The following ATXN3 variants were observed in gnomAD, a reference collection of about 807,000 sequenced individuals.
ATXN3 encodes ataxin-3.
In ATXN3, 28 loss-of-function variants were observed where a neutral mutation model predicts 58.2. The observed-to-expected ratio is 0.48, with a 90% CI of 0.36 to 0.66. The LOEUF (loss-of-function observed/expected upper bound fraction) is 0.66. ATXN3 is among the 30% of genes least tolerant of loss of function. The pLI is 0.00. For synonymous variants in ATXN3, 113 were observed against 138.5 expected, an observed-to-expected ratio of 0.82 and a Z score of 1.29; for missense variants, 321 against 422.1, an observed-to-expected ratio of 0.76 and a Z score of 2.10.
intron 9 of ATXN3, among the ~76,000 whole-genome samples, chr14:92,076,321 G>A (rs753984051): frequency 2.6e-5 from 4 of 151,848 alleles, no homozygotes; most frequent in South Asian, 2.1e-4. Context: ...GGTGGCATGC[G>A]CCTGTAATCC....
chr14:92,076,927 G>A (rs540408025), intron 9 of ATXN3, among the ~76,000 whole-genome samples: 2 of 125,406 alleles, frequency 1.6e-5, no homozygotes, highest in African/African-American at 6.5e-5. Context: ...GTGACAGAGT[G>A]AGATTTCGTC....
chr14:92,102,288 GAATA>G (rs1309112212), intron 1 of ATXN3, among the ~76,000 whole-genome samples: 4 of 144,512 alleles, frequency 2.8e-5, no homozygotes, highest in Admixed American at 7.2e-5. Flanking sequence ...GGGAGGGAGG[GAATA>G]AATAAATTAA....
downstream of ATXN3, among the ~76,000 whole-genome samples, chr14:92,054,997 T>C (rs971790692): frequency 3.3e-5 from 5 of 152,214 alleles, no homozygotes; most frequent in African/African-American, 1.2e-4. Flanking sequence ...TTCTCCTGTC[T>C]CAGCCACTTC....
At chr14:92,074,153 C>T (rs1287647146) in intron 9 of ATXN3, among the ~76,000 whole-genome samples, 1 of 151,594 alleles carries the variant, frequency 6.6e-6, no homozygotes, top group African/African-American at 2.4e-5. Context: ...GTGGCAAAAC[C>T]CCACCTCTAC....
intron 9 of ATXN3, among the ~76,000 whole-genome samples, chr14:92,075,263 CA>C (rs757269681): frequency 1.0e-4 from 15 of 145,504 alleles, no homozygotes; most frequent in Non-Finnish European, 1.9e-4. Context: ...CTCCCAGGTT[CA>C]AGTGATTCTC....
chr14:92,093,940 A>G lies in ATXN3; in HGVS notation c.235-109T>C, dbSNP rs2064505868. 23 of 573,386 alleles carry G rather than the reference A, an allele frequency of 4.0e-5. No individual in the cohort carries two copies. The South Asian group carries it at 4.9e-4, about 12-fold the overall frequency. The allele number at this position is 573,386 out of a possible 1,614,324, so 35.5% of individuals were successfully genotyped here. A position where few individuals can be genotyped will look rare whatever the true frequency, so the allele number is the denominator to read the frequency against. Reference sequence around the variant, plus strand: ...CATATATAAATTTCTCTAGAAGGCTATAGGTTTTTTTTTTTTTTTTTGTGA... The same window carrying G: ...CATATATAAATTTCTCTAGAAGGCTGTAGGTTTTTTTTTTTTTTTTTGTGA... On this transcript the variant is annotated intron_variant, in intron 3 of 10. Coordinates refer to ENST00000644486, the MANE Select transcript of ATXN3 (RefSeq NM_004993.6).
At chr14:92,052,477 G>A (rs962355636), upstream of ATXN3, among the ~76,000 whole-genome samples, 4 of 150,968 alleles carry the variant, frequency 2.6e-5, no homozygotes, top group Admixed American at 2.0e-4. Flanking sequence ...CAACAAGAGC[G>A]AAACTCCATC....
intron 9 of ATXN3, chr14:92,079,370 A>G (rs1215721505): frequency 1.2e-6 from 1 of 827,574 alleles, no homozygotes; most frequent in Non-Finnish European, 1.5e-6. Flanking sequence ...TTTAACATAT[A>G]ATTAGCCATT....
intron 1 of ATXN3, 131 bp from the exon 2 acceptor site, chr14:92,096,969 GCT>G: frequency 1.3e-6 from 1 of 742,710 alleles, no homozygotes. Flanking sequence ...GTGCAGTGGC[GCT>G]ATCTTGGCTC....
chr14:92,062,791 A>G lies in ATXN3; in HGVS notation c.*1529T>C, dbSNP rs919490446. ...AAAAGATATTTTTTCTTCTCTTTTC[A>G]GTTAGTTAGCAATAAATCCTAGATC... On this transcript the variant is annotated 3_prime_UTR_variant, in exon 11 of 11. Coordinates refer to ENST00000644486, the MANE Select transcript of ATXN3 (RefSeq NM_004993.6). The G allele has an allele frequency of 5.2e-5, 8 of 152,618 alleles. No individual in the cohort carries two copies. Among genetic ancestry groups the G allele is most frequent in the African/African-American group, 1.9e-4 (8 of 41,456 alleles). 9.5% of individuals were successfully genotyped at this position (152,618 alleles called of 1,614,324 possible).
chr14:92,093,015 C>T (rs1471996008), intron 5 of ATXN3, among the ~76,000 whole-genome samples: 1 of 150,890 alleles, frequency 6.6e-6, no homozygotes, highest in Admixed American at 6.6e-5. Flanking sequence ...AGATGTGAGC[C>T]ACCATGCCTG....
rs1157498754 is a variant in ATXN3 at position 92,089,332 on chromosome 14, CTTT to C, written c.388-518_388-516del. Among the ~76,000 whole-genome samples the C allele has an allele frequency of 4.9e-3, 295 of 60,698 alleles. 2 individuals carry two copies. The highest frequency in any genetic ancestry group is 0.02 in the African/African-American group (274 of 13,538). The allele number at this position is 60,698 out of a possible 152,430, so 39.8% of individuals were successfully genotyped here. On this transcript the variant is annotated intron_variant, in intron 5 of 10. Transcript: ENST00000644486. ...CTGCACCTGGCCTCTGCTAAATACT[CTTT>C]TTTTTTTTTTTTTTTTTTTTTTAGA...
intron 4 of ATXN3, 142 bp downstream of exon 4, chr14:92,093,604 G>T (rs2064415379): frequency 4.1e-6 from 3 of 724,614 alleles, no homozygotes; most frequent in Admixed American, 5.6e-5. Context: ...CATCACAAAG[G>T]TGAAATAGGA....
chr14:92,064,348 T>C lies in ATXN3; in HGVS notation c.1058A>G (p.Asn353Ser), dbSNP rs1303148049. 2.5e-6 allele frequency: 4 copies of C among 1,612,202 alleles called. No homozygotes were observed. Among genetic ancestry groups the C allele is most frequent in the African/African-American group, 1.3e-5 (1 of 74,884 alleles). ...TTTTTTTCCTTCTGTTTTCAAATCA[T>C]TTCTGACAGTTTCTAAAGACATGGT... ...AVTMSLETVR[N>S]DLKTEGKK The change falls in exon 11 of 11, where the codon AAT becomes AGT. Residue 353 changes from asparagine to serine, a missense_variant. This residue lies in a region of ATXN3 where 200 missense variants were observed against 223.2 expected (regional missense o/e 0.90). Coordinates refer to ENST00000644486, the MANE Select transcript of ATXN3 (RefSeq NM_004993.6).
In ATXN3 at chr14:92,061,111, T is replaced by C; in HGVS notation, c.*3209A>G. ...TTTAGGCTCTGACTGAAATAAAATT[T>C]ATTTTATTCAACTTAATATTAAACA... On this transcript the variant is annotated 3_prime_UTR_variant, in exon 11 of 11. Coordinates refer to ENST00000644486, the MANE Select transcript of ATXN3 (RefSeq NM_004993.6). The C allele has an allele frequency of 6.6e-6, 1 of 152,208 alleles. No individual in the cohort carries two copies. Among genetic ancestry groups the C allele is most frequent in the East Asian group, 1.9e-4 (1 of 5,202 alleles). The allele number at this position is 152,208 out of a possible 1,614,324, so 9.4% of individuals were successfully genotyped here.
chr14:92,054,159 C>T (rs2057457690), downstream of ATXN3, among the ~76,000 whole-genome samples: 2 of 152,150 alleles, frequency 1.3e-5, no homozygotes, highest in Non-Finnish European at 2.9e-5. Flanking sequence ...TGGTCTTGAA[C>T]TCTTGACCTT....
intron 6 of ATXN3, among the ~76,000 whole-genome samples, chr14:92,088,193 C>T (rs980340849): frequency 5.9e-5 from 9 of 152,026 alleles, no homozygotes; most frequent in Non-Finnish European, 1.0e-4. Context: ...CTCAGCCTCC[C>T]GAGTAGCTCG....
downstream of ATXN3, among the ~76,000 whole-genome samples, chr14:92,056,347 G>A (rs7143556): frequency 0.13 from 20,115 of 151,924 alleles, 1,505 homozygotes; most frequent in African/African-American, 0.21. Flanking sequence ...GGTTACTGCC[G>A]GTATGTAAAA....
chr14:92,056,064 A>C (rs187530256), downstream of ATXN3, among the ~76,000 whole-genome samples: 3 of 152,300 alleles, frequency 2.0e-5, no homozygotes, highest in East Asian at 5.8e-4. Context: ...TTTGGAAAAA[A>C]TGGATCTGGA....
Sources: gnomAD v4.1 joint callset for allele counts (sites outside exome capture counted in the v4.1 genomes callset) on GRCh38, gnomAD v4.1.1 for gene constraint, gnomAD v4.1.1 regional missense constraint, MANE v1.5 for transcripts, NCBI Gene and HGNC (gene_info 2026-07-23, HGNC 2026-07-21) for gene names.